PRSS55: variants seen among roughly 807,000 people sequenced by gnomAD.
PRSS55 encodes serine protease 55.
A neutral mutation model predicts 23.6 loss-of-function variants in PRSS55; 41 were observed. That is an observed-to-expected ratio of 1.74 (90% CI 1.35 to 2.26). PRSS55 has a LOEUF of 2.26. PRSS55 is among the 30% of genes most tolerant of loss of function. The pLI, the probability that PRSS55 is intolerant of heterozygous loss-of-function variation, is 0.00. For synonymous variants in PRSS55, 262 were observed against 175.5 expected (o/e 1.49, Z -3.90); for missense variants, 669 against 439.1 (o/e 1.52, Z -4.68).
chr8:10,525,641 G>A lies in PRSS55; in HGVS notation c.56G>A (p.Gly19Asp). The change falls in exon 1 of 5, where the codon GGT (glycine) becomes GAT (aspartate). Residue 19 changes from glycine (G) to aspartate (D), a missense_variant. By Grantham distance (94) the Gly-to-Asp change is moderately conservative (BLOSUM62 -1). Coordinates refer to ENST00000328655, the MANE Select transcript of PRSS55 (RefSeq NM_198464.4). ...TCCCTGGTCACGGGAACTCAGCTCG[G>A]TCCACGGACTCCTCTCCCAGAGGCT... ...LLSLVTGTQLGPRTPLPEAGV... is the reference protein window; with the variant it reads ...LLSLVTGTQLDPRTPLPEAGV... 1.2e-6 allele frequency: 2 copies of A among 1,614,160 alleles called. No individual in the cohort carries two copies. Among genetic ancestry groups the A allele is most frequent in the South Asian group, 1.1e-5 (1 of 91,084 alleles).
intron 4 of PRSS55, among the ~76,000 whole-genome samples, chr8:10,537,631 G>C (rs906866122): frequency 2.6e-5 from 4 of 152,144 alleles, no homozygotes; most frequent in African/African-American, 9.7e-5. Context: ...AATGATAAAC[G>C]CTTGAGGGGA....
At position 10,538,696 on chromosome 8, in the gene PRSS55, G is replaced by T; in HGVS notation, c.962G>T (p.Gly321Val). Residue 321 changes from glycine (G) to valine (V), a missense_variant, in exon 5 of 5, where the codon GGC becomes GTC. Gly to Val is a moderately radical substitution (Grantham distance 109, BLOSUM62 -3). Coordinates refer to ENST00000328655, the MANE Select transcript of PRSS55 (RefSeq NM_198464.4). ...ACTTCTGTCAAACAGAAACCTATGG[G>T]CTCCCCAGTCTCGGGAGTCCCAGAG... is the stretch of plus-strand genomic sequence containing the variant. ...RRTSVKQKPM[G>V]SPVSGVPEPG... 1.9e-6 allele frequency: 3 copies of T among 1,614,098 alleles called. No homozygotes were observed. Among genetic ancestry groups the T allele is most frequent in the Non-Finnish European group, 1.7e-6 (2 of 1,179,966 alleles).
At chr8:10,527,883 T>A (rs935973222) in intron 1 of PRSS55, among the ~76,000 whole-genome samples, 1 of 152,234 alleles carries the variant, frequency 6.6e-6, no homozygotes, top group Non-Finnish European at 1.5e-5. Flanking sequence ...GTAAGCATCA[T>A]ATGTAAATAA....
chr8:10,549,246 G>C (rs1471433109), intron 4 of PRSS55, among the ~76,000 whole-genome samples: 1 of 152,192 alleles, frequency 6.6e-6, no homozygotes, highest in Non-Finnish European at 1.5e-5. Context: ...TCCCTGCAGC[G>C]GCCATGGCCG....
chr8:10,551,946 A>G (rs147654523), intron 4 of PRSS55, among the ~76,000 whole-genome samples: 1 of 152,360 alleles, frequency 6.6e-6, no homozygotes, highest in Non-Finnish European at 1.5e-5. Flanking sequence ...AGGCAGTTAA[A>G]CGACAGAAAC....
chr8:10,539,206 C>T (rs1053257023), downstream of PRSS55, among the ~76,000 whole-genome samples: 3 of 152,144 alleles, frequency 2.0e-5, no homozygotes, highest in East Asian at 1.9e-4. Context: ...ACAAAGAATT[C>T]CCTGTTGTTC....
intron 4 of PRSS55, chr8:10,553,818 G>A: frequency 1.6e-6 from 1 of 614,524 alleles, no homozygotes; most frequent in Non-Finnish European, 2.7e-6. Flanking sequence ...TATGTAAGGT[G>A]ATGGATATGT....
chr8:10,539,994 T>C (rs1431446205), downstream of PRSS55, among the ~76,000 whole-genome samples: 2 of 152,182 alleles, frequency 1.3e-5, no homozygotes, highest in Non-Finnish European at 1.5e-5. Flanking sequence ...TTCTGGCTCA[T>C]CCTGGAGCCA....
At chr8:10,531,586 C>A (rs1200304794) in intron 3 of PRSS55, 41 bp downstream of exon 3, 2 of 1,606,334 alleles carry the variant, frequency 1.2e-6, no homozygotes, top group Non-Finnish European at 1.7e-6. Context: ...AAAGCCACTG[C>A]AATGTGAAGG....
intron 1 of PRSS55, among the ~76,000 whole-genome samples, chr8:10,526,189 C>G (rs1237152914): frequency 2.0e-5 from 3 of 152,186 alleles, no homozygotes; most frequent in East Asian, 1.9e-4. Context: ...AGGGGGTGGT[C>G]AAGACTTCAG....
At chr8:10,529,951 G>C (rs1245933485) in intron 2 of PRSS55, among the ~76,000 whole-genome samples, 4 of 152,180 alleles carry the variant, frequency 2.6e-5, no homozygotes, top group African/African-American at 9.7e-5. Context: ...CCCTCTCCCG[G>C]AACACCTGTG....
At chr8:10,525,765 G>A in intron 1 of PRSS55, 26 bp downstream of exon 1, 3 of 1,564,566 alleles carry the variant, frequency 1.9e-6, no homozygotes, top group Admixed American at 3.7e-5. Flanking sequence ...GAAGGGGCAT[G>A]GATGGGGGCT....
exon 5 of PRSS55, chr8:10,553,954 T>C: frequency 6.6e-7 from 1 of 1,523,770 alleles, no homozygotes. Context: ...AAAGCTATTT[T>C]CCCACTTTAC....
chr8:10,551,851 A>C (rs924670988), intron 4 of PRSS55, among the ~76,000 whole-genome samples: 2 of 152,224 alleles, frequency 1.3e-5, no homozygotes, highest in Admixed American at 1.3e-4. Flanking sequence ...TGTGCTTTCC[A>C]TCTGCCCATT....
chr8:10,552,383 C>T (rs1253369734), intron 4 of PRSS55, among the ~76,000 whole-genome samples: 1 of 152,122 alleles, frequency 6.6e-6, no homozygotes, highest in Admixed American at 6.5e-5. Flanking sequence ...TTAGATATGA[C>T]CCCAAAAGCA....
downstream of PRSS55, among the ~76,000 whole-genome samples, chr8:10,543,064 C>A (rs146946988): frequency 0.02 from 3,041 of 152,080 alleles, 58 homozygotes; most frequent in Non-Finnish European, 0.032. Context: ...GACAGGTAGA[C>A]CCTACCTCTG....
chr8:10,548,233 G>C (rs1000311002), intron 4 of PRSS55, among the ~76,000 whole-genome samples: 1 of 152,186 alleles, frequency 6.6e-6, no homozygotes, highest in Non-Finnish European at 1.5e-5. Flanking sequence ...GCAGTTCCCA[G>C]ATGTCGCCTC....
chr8:10,547,962 AAG>A (rs1812858906), intron 4 of PRSS55, among the ~76,000 whole-genome samples: 1 of 84,448 alleles, frequency 1.2e-5, no homozygotes, highest in South Asian at 4.1e-4. Flanking sequence ...GAGAACAGGG[AAG>A]AAGGAGTGTG....
At chr8:10,550,134 A>G (rs1437845474) in intron 4 of PRSS55, among the ~76,000 whole-genome samples, 2 of 152,038 alleles carry the variant, frequency 1.3e-5, no homozygotes, top group Admixed American at 6.5e-5. Context: ...GGCCAGGCTG[A>G]TTGGTCTTGA....
Sources: allele counts gnomAD v4.1 joint callset (sites outside exome capture counted in the v4.1 genomes callset), GRCh38; gene constraint gnomAD v4.1.1; transcripts MANE v1.5; gene names NCBI Gene and HGNC (gene_info 2026-07-23, HGNC 2026-07-21).